The following AOPEP variants were observed in gnomAD, a reference collection of about 807,000 sequenced individuals.
The protein encoded by AOPEP is aminopeptidase O (putative).
AOPEP carries 77 observed loss-of-function variants against 98.1 expected under a neutral mutation model. The observed-to-expected ratio is 0.78, with a 90% CI of 0.65 to 0.95. The LOEUF (loss-of-function observed/expected upper bound fraction) is 0.95. Among genes scored for constraint, AOPEP ranks in the 40% least tolerant of loss-of-function variants. The pLI, the probability that AOPEP is intolerant of heterozygous loss-of-function variation, is 0.00. For missense variants in AOPEP, 1,024 were observed against 1,024.7 expected (o/e 1.00, Z 0.01); for synonymous variants, 346 against 365.3 (o/e 0.95, Z 0.60).
At chr9:94,855,024 G>A (rs2044004799) in intron 5 of AOPEP, among the ~76,000 whole-genome samples, 2 of 152,108 alleles carry the variant, frequency 1.3e-5, no homozygotes, top group Admixed American at 1.3e-4. Flanking sequence ...GTATCATCCT[G>A]CTCATAGATA....
At chr9:95,133,962 C>T in the AOPEP span, among the ~76,000 whole-genome samples, 11 of 152,248 alleles carry the variant, frequency 7.2e-5, no homozygotes, top group Admixed American at 3.3e-4. Flanking sequence ...ATGACTCTTC[C>T]GGATGGTAAG....
intron 16 of AOPEP, among the ~76,000 whole-genome samples, chr9:95,084,200 T>A (rs2070287811): frequency 6.6e-6 from 1 of 152,264 alleles, no homozygotes; most frequent in Non-Finnish European, 1.5e-5. Flanking sequence ...GTGTTGATAT[T>A]CTTCACTCAG....
chr9:94,940,193 C>G (rs1447863032), intron 7 of AOPEP, among the ~76,000 whole-genome samples: 1 of 152,144 alleles, frequency 6.6e-6, no homozygotes, highest in Non-Finnish European at 1.5e-5. Context: ...ATGATTAACA[C>G]AATAGTTTCT....
intron 5 of AOPEP, among the ~76,000 whole-genome samples, chr9:94,914,987 T>A (rs546839878): frequency 3.3e-5 from 5 of 152,332 alleles, no homozygotes; most frequent in African/African-American, 9.6e-5. Flanking sequence ...TGTGCTGTTT[T>A]CTTATCTAGC....
At chr9:94,830,348 C>G (rs1217238005) in intron 5 of AOPEP, among the ~76,000 whole-genome samples, 1 of 152,200 alleles carries the variant, frequency 6.6e-6, no homozygotes, top group East Asian at 1.9e-4. Context: ...CAGCTCCATC[C>G]ATGTCCCTGC....
the AOPEP span, chr9:95,111,441 T>G: frequency 1.2e-6 from 2 of 1,607,580 alleles, no homozygotes; most frequent in Non-Finnish European, 1.7e-6. Context: ...CCCAAACACA[T>G]GCAGTGGGGC....
At chr9:94,873,760 A>G (rs574317902) in intron 5 of AOPEP, among the ~76,000 whole-genome samples, 73 of 152,348 alleles carry the variant, frequency 4.8e-4, no homozygotes, top group African/African-American at 1.7e-3. Context: ...TATTTTTTCA[A>G]GCAACTTCTT....
At chr9:95,009,734 C>A (rs906994162) in intron 13 of AOPEP, among the ~76,000 whole-genome samples, 2 of 152,122 alleles carry the variant, frequency 1.3e-5, no homozygotes, top group African/African-American at 4.8e-5. Context: ...CTTCATAATT[C>A]TTTTCTGCCA....
the AOPEP span, among the ~76,000 whole-genome samples, chr9:95,096,728 C>T: frequency 4.6e-5 from 7 of 152,200 alleles, no homozygotes; most frequent in South Asian, 2.1e-4. Flanking sequence ...GCTGCAGCCA[C>T]GGGGGCCCTT....
At chr9:94,807,914 A>G (rs2133899619) in intron 5 of AOPEP, among the ~76,000 whole-genome samples, 1 of 152,352 alleles carries the variant, frequency 6.6e-6, no homozygotes, top group South Asian at 2.1e-4. Flanking sequence ...TATTGCCAAG[A>G]TGCAGCTGGA....
rs769578211 is a variant in AOPEP, at chr9:94,773,104, AGCT to A, written c.903_905del (p.Ala302del). 1.2e-6 allele frequency: 2 copies of A among 1,614,038 alleles called. No individual in the cohort carries two copies. Among genetic ancestry groups the A allele is most frequent in the Non-Finnish European group, 1.7e-6 (2 of 1,180,034 alleles). On this transcript the variant is annotated inframe_deletion, in exon 3 of 17. Transcript: ENST00000375315. ...CAACATGGCAGGCTACAGTTCGAGC[AGCT>A]GCATCTTTTGTTGTTTTAATGAGTG...
intron 13 of AOPEP, among the ~76,000 whole-genome samples, chr9:95,041,446 G>GGTGTGTGTGTGTGTGTGT (rs57837059): frequency 1.4e-5 from 2 of 142,012 alleles, no homozygotes; most frequent in East Asian, 2.1e-4. Context: ...AGTCCTTGGG[G>GGTGTGTGTGTGTGTGTGT]GTGTGTGTGT....
intron 1 of AOPEP, among the ~76,000 whole-genome samples, chr9:94,745,652 A>C (rs1045474836): frequency 2.6e-5 from 4 of 152,122 alleles, no homozygotes; most frequent in Admixed American, 1.3e-4. Context: ...TTTTCACTTA[A>C]CATAATGTTC....
At chr9:94,747,121 C>G (rs371967555) in intron 1 of AOPEP, among the ~76,000 whole-genome samples, 1 of 150,930 alleles carries the variant, frequency 6.6e-6, no homozygotes, top group Non-Finnish European at 1.5e-5. Context: ...GTCACTCTTA[C>G]GTGCTTCCTG....
At chr9:94,850,164 G>C (rs2043373571) in intron 5 of AOPEP, among the ~76,000 whole-genome samples, 1 of 152,160 alleles carries the variant, frequency 6.6e-6, no homozygotes, top group Non-Finnish European at 1.5e-5. Flanking sequence ...CCAGCCTGCG[G>C]GGTGAGCACC....
intron 5 of AOPEP, among the ~76,000 whole-genome samples, chr9:94,833,945 A>AT (rs1298929806): frequency 1.3e-5 from 2 of 149,948 alleles, no homozygotes; most frequent in African/African-American, 4.8e-5. Context: ...GGCAATGATC[A>AT]TTTTGTGTTT....
At chr9:94,931,736 C>T (rs1238490297) in intron 7 of AOPEP, 1 of 1,549,884 alleles carries the variant, frequency 6.5e-7, no homozygotes, top group Non-Finnish European at 8.7e-7. Context: ...TTGGCGGATG[C>T]AGTGGAAGCT....
intron 5 of AOPEP, among the ~76,000 whole-genome samples, chr9:94,834,905 A>G (rs2041394940): frequency 6.6e-6 from 1 of 152,186 alleles, no homozygotes; most frequent in South Asian, 2.1e-4. Flanking sequence ...ATACCGAAAT[A>G]TTTTTTTGAG....
chr9:95,051,514 C>A (rs1271144052), intron 13 of AOPEP, among the ~76,000 whole-genome samples: 1 of 151,966 alleles, frequency 6.6e-6, no homozygotes, highest in Non-Finnish European at 1.5e-5. Flanking sequence ...TGAGTTTTTG[C>A]ACATAAAGCA....
Sources: allele counts gnomAD v4.1 joint callset (sites outside exome capture counted in the v4.1 genomes callset), GRCh38; gene constraint gnomAD v4.1.1; transcripts MANE v1.5; gene names NCBI Gene and HGNC (gene_info 2026-07-23, HGNC 2026-07-21).